The following FRMD3 variants were observed in gnomAD, a reference collection of about 807,000 sequenced individuals.
The protein encoded by FRMD3 is FERM domain containing 3.
In FRMD3, 33 loss-of-function variants were observed where a neutral mutation model predicts 70.2. The observed-to-expected ratio is 0.47, with a 90% confidence interval of 0.36 to 0.63. The LOEUF (loss-of-function observed/expected upper bound fraction) is 0.63, where lower values mean the gene tolerates loss of function less well. Among genes scored for constraint, FRMD3 ranks in the 20% least tolerant of loss-of-function variants. The pLI is 0.00. For synonymous variants in FRMD3, 279 were observed against 255.9 expected (o/e 1.09, Z -0.86); for missense variants, 632 against 711.4 (o/e 0.89, Z 1.27).
At chr9:83,462,002 A>C (rs1318955118) in intron 1 of FRMD3, among the ~76,000 whole-genome samples, 1 of 152,044 alleles carries the variant, frequency 6.6e-6, no homozygotes, top group Non-Finnish European at 1.5e-5. Flanking sequence ...TTTCTCAAAG[A>C]TTCTCTTAGG....
intron 1 of FRMD3, among the ~76,000 whole-genome samples, chr9:83,390,258 C>T (rs1402295051): frequency 6.6e-6 from 1 of 152,236 alleles, no homozygotes; most frequent in Non-Finnish European, 1.5e-5. Flanking sequence ...GGCCAACTGG[C>T]TGCAGTATGT....
At position 83,467,774 on chromosome 9, in the gene FRMD3, C is replaced by A; in HGVS notation, c.147+70311G>T. 5 of 1,427,632 alleles carry A rather than the reference C, an allele frequency of 3.5e-6. No homozygotes were observed. The South Asian group carries it at 6.0e-5, about 17-fold the overall frequency. The allele number at this position is 1,427,632 out of a possible 1,614,324, so 88.4% of individuals were successfully genotyped here. A position where few individuals can be genotyped will look rare whatever the true frequency, so the allele number is the denominator to read the frequency against. ...TAAGCTCGCTGCAGTTTGAATACTGCATTGTTTACCTATAGAAATCTTGCT... is the reference window on the plus strand; with the variant it reads ...TAAGCTCGCTGCAGTTTGAATACTGAATTGTTTACCTATAGAAATCTTGCT... On this transcript the variant is annotated intron_variant, in intron 1 of 13. Transcript: ENST00000304195.
At position 83,453,915 on chromosome 9, in the gene FRMD3, C is replaced by T. The variant is rs141759143; in HGVS notation, c.148-64207G>A. On this transcript the variant is annotated intron_variant, in intron 1 of 13. Transcript: ENST00000304195. ...TATTTTTAGTAGAGACGGGGTTTTG[C>T]CGTGTTAGCCAGGATGGTCTCGATC... 1.7e-3 allele frequency among the ~76,000 whole-genome samples: 265 copies of T among 152,034 alleles called. 7 individuals are homozygous for T. The East Asian group carries it at 0.049, about 28-fold the overall frequency.
At chr9:83,253,160 C>T (rs750845696) in intron 13 of FRMD3, among the ~76,000 whole-genome samples, 14 of 151,946 alleles carry the variant, frequency 9.2e-5, no homozygotes, top group Non-Finnish European at 2.1e-4. Flanking sequence ...GAACTGAAAT[C>T]GTAACAGTCT....
At chr9:83,561,260 T>G in the FRMD3 span, among the ~76,000 whole-genome samples, 5 of 152,230 alleles carry the variant, frequency 3.3e-5, no homozygotes, top group East Asian at 9.6e-4. Context: ...AATTCAGCTT[T>G]AAAAGCTTCT....
At chr9:83,265,200 A>C (rs1164544993) in intron 13 of FRMD3, among the ~76,000 whole-genome samples, 1 of 152,082 alleles carries the variant, frequency 6.6e-6, no homozygotes. Flanking sequence ...GGAGATTGGG[A>C]TCATCCTGGC....
the FRMD3 span, among the ~76,000 whole-genome samples, chr9:83,545,503 G>A: frequency 2.5e-4 from 38 of 151,382 alleles, no homozygotes; most frequent in East Asian, 1.4e-3. Flanking sequence ...GACTACAAGC[G>A]CCCACCACCA....
At chr9:83,339,245 C>G (rs954093662) in intron 5 of FRMD3, among the ~76,000 whole-genome samples, 6 of 152,192 alleles carry the variant, frequency 3.9e-5, no homozygotes, top group African/African-American at 1.4e-4. Context: ...AGGCCCTGCT[C>G]TGATTCCCTA....
At chr9:83,505,822 C>T (rs185828782) in intron 1 of FRMD3, among the ~76,000 whole-genome samples, 9 of 152,258 alleles carry the variant, frequency 5.9e-5, no homozygotes, top group African/African-American at 1.9e-4. Context: ...TTTCCTGCAT[C>T]GCATGTTTAC....
At chr9:83,310,649 G>A (rs1347655455) in intron 8 of FRMD3, 101 bp from the exon 9 acceptor site, 16 of 818,266 alleles carry the variant, frequency 2.0e-5, no homozygotes, top group Non-Finnish European at 9.9e-6. Context: ...CAGGCAGATT[G>A]CAGTGAAACA....
At chr9:83,510,274 T>C (rs769214466) in intron 1 of FRMD3, among the ~76,000 whole-genome samples, 37 of 152,204 alleles carry the variant, frequency 2.4e-4, no homozygotes, top group Non-Finnish European at 4.3e-4. Flanking sequence ...AAGATGCAGA[T>C]GGAAGTTATC....
At position 83,423,883 on chromosome 9, in the gene FRMD3, G is replaced by A. The variant is rs535386892; in HGVS notation, c.148-34175C>T. On this transcript the variant is annotated intron_variant, in intron 1 of 13. Coordinates refer to ENST00000304195, the MANE Select transcript of FRMD3 (RefSeq NM_174938.6). ...AGTGCTGGGATTACAGGCATGAGCCGCGGCCCCGAGCTCTGCTAGCCCTGT... is the reference window on the plus strand; with the variant it reads ...AGTGCTGGGATTACAGGCATGAGCCACGGCCCCGAGCTCTGCTAGCCCTGT... 9.9e-5 allele frequency among the ~76,000 whole-genome samples: 15 copies of A among 151,882 alleles called. No homozygotes were observed. In the South Asian group the frequency reaches 1.5e-3, roughly 15 times the overall value.
intron 1 of FRMD3, among the ~76,000 whole-genome samples, chr9:83,405,549 G>T (rs71498491): frequency 6.6e-6 from 1 of 151,702 alleles, no homozygotes; most frequent in Non-Finnish European, 1.5e-5. Context: ...ATCACCTGAG[G>T]TTGGGAGTTC....
chr9:83,288,660 T>C (rs1487881181), intron 13 of FRMD3, among the ~76,000 whole-genome samples: 1 of 152,230 alleles, frequency 6.6e-6, no homozygotes, highest in Non-Finnish European at 1.5e-5. Flanking sequence ...ACTGGGAAAA[T>C]TGAAAAGGTA....
intron 10 of FRMD3, among the ~76,000 whole-genome samples, chr9:83,302,368 A>G (rs1255519656): frequency 6.6e-6 from 1 of 152,192 alleles, no homozygotes; most frequent in African/African-American, 2.4e-5. Context: ...AGGATGACCC[A>G]AGAGGTGACA....
At chr9:83,447,474 A>G (rs1455588417) in intron 1 of FRMD3, among the ~76,000 whole-genome samples, 2 of 152,206 alleles carry the variant, frequency 1.3e-5, no homozygotes, top group Non-Finnish European at 2.9e-5. Flanking sequence ...ACAATAGGCA[A>G]TCAGACCTTT....
chr9:83,277,445 G>A (rs975266579), intron 13 of FRMD3, among the ~76,000 whole-genome samples: 6 of 151,982 alleles, frequency 3.9e-5, no homozygotes, highest in Non-Finnish European at 8.8e-5. Context: ...GCTTACTGTC[G>A]CCTCAAATTC....
chr9:83,561,458 T>C, the FRMD3 span, among the ~76,000 whole-genome samples: 1 of 152,132 alleles, frequency 6.6e-6, no homozygotes, highest in African/African-American at 2.4e-5. Context: ...CAAATGAAAG[T>C]GTATTGGTCA....
chr9:83,468,292 C>T (rs777604476), intron 1 of FRMD3, among the ~76,000 whole-genome samples: 1 of 152,178 alleles, frequency 6.6e-6, no homozygotes, highest in Non-Finnish European at 1.5e-5. Flanking sequence ...TTAAGTCATT[C>T]TATTTATATG....
Sources: gnomAD v4.1 joint callset for allele counts (sites outside exome capture counted in the v4.1 genomes callset) on GRCh38, gnomAD v4.1.1 for gene constraint, MANE v1.5 for transcripts, NCBI Gene and HGNC (gene_info 2026-07-23, HGNC 2026-07-21) for gene names.